Variants in HS3ST1 observed in about 807,000 individuals in gnomAD.
The protein encoded by HS3ST1 is heparan sulfate glucosamine 3-O-sulfotransferase 1.
A neutral mutation model predicts 20.7 loss-of-function variants in HS3ST1; 8 were observed. The observed-to-expected ratio is 0.39, with a 90% CI of 0.23 to 0.70. The LOEUF (loss-of-function observed/expected upper bound fraction) is 0.70. HS3ST1 is among the 30% of genes least tolerant of loss of function. The probability of loss-of-function intolerance (pLI) is 0.46; values close to 1 mark genes in which losing one functional copy is unlikely to be tolerated. For missense variants in HS3ST1, 436 were observed against 423.4 expected, an observed-to-expected ratio of 1.03 and a Z score of -0.26; for synonymous variants, 205 against 190.4, an observed-to-expected ratio of 1.08 and a Z score of -0.63.
At chr4:11,412,641 T>C (rs1300584208) in intron 1 of HS3ST1, among the ~76,000 whole-genome samples, 1 of 152,130 alleles carries the variant, frequency 6.6e-6, no homozygotes, top group Non-Finnish European at 1.5e-5. Context: ...ATAGGGTCTC[T>C]CAAACTGCAC....
At chr4:11,400,147 A>G (rs1270059287) in intron 1 of HS3ST1, 34 bp from the exon 2 acceptor site, 2 of 1,412,196 alleles carry the variant, frequency 1.4e-6, no homozygotes, top group African/African-American at 2.9e-5. Flanking sequence ...TTAACATATA[A>G]CAAATACAGG....
chr4:11,423,244 T>C (rs1350473381), intron 1 of HS3ST1, among the ~76,000 whole-genome samples: 1 of 152,052 alleles, frequency 6.6e-6, no homozygotes, highest in Non-Finnish European at 1.5e-5. Context: ...CAATGCCGGG[T>C]ACATGGCAGA....
chr4:11,425,916 A>C lies in HS3ST1; in HGVS notation c.-109+2783T>G, dbSNP rs776749423. On this transcript the variant is annotated intron_variant, in intron 1 of 1. Coordinates refer to ENST00000002596, the MANE Select transcript of HS3ST1 (RefSeq NM_005114.4). Reference sequence around the variant, plus strand: ...AAGAGCAGCCTCAATTGAAAGCACCAGGTCAAGTAGCCAGGTTGAGGGGAA... The same window carrying C: ...AAGAGCAGCCTCAATTGAAAGCACCCGGTCAAGTAGCCAGGTTGAGGGGAA... Among the ~76,000 whole-genome samples the C allele has an allele frequency of 3.9e-4, 59 of 149,768 alleles. 1 individual carries two copies. Among genetic ancestry groups the C allele is most frequent in the Non-Finnish European group, 6.9e-4 (47 of 67,858 alleles).
intron 1 of HS3ST1, among the ~76,000 whole-genome samples, chr4:11,427,603 C>A (rs1471856195): frequency 6.6e-6 from 1 of 152,182 alleles, no homozygotes. Context: ...TCGCGCAAGG[C>A]GAGGCAAGGG....
At chr4:11,415,991 G>C (rs1718772307) in intron 1 of HS3ST1, among the ~76,000 whole-genome samples, 1 of 152,176 alleles carries the variant, frequency 6.6e-6, no homozygotes, top group Non-Finnish European at 1.5e-5. Flanking sequence ...ACGCCTGGAA[G>C]TGTAAAAACA....
rs1479169293 is a variant in HS3ST1, at chr4:11,399,921, C to T, written c.85G>A (p.Glu29Lys). 3 of 1,601,244 alleles carry T rather than the reference C, an allele frequency of 1.9e-6. No homozygotes were observed. Among genetic ancestry groups the T allele is most frequent in the Middle Eastern group, 1.7e-4 (1 of 6,042 alleles). ...PSRPAELGQQELLRKAGTLQD... is the reference protein window; with the variant it reads ...PSRPAELGQQKLLRKAGTLQD... Reference sequence around the variant, plus strand: ...AGGGTCCCCGCTTTCCGCAGAAGCTCCTGCTGGCCTAGCTCGGCGGGGCGG... The same window carrying T: ...AGGGTCCCCGCTTTCCGCAGAAGCTTCTGCTGGCCTAGCTCGGCGGGGCGG... The change falls in exon 2 of 2, where the codon GAG becomes AAG. Residue 29 changes from glutamate (E) to lysine (K), a missense_variant. Glu to Lys is a moderately conservative substitution (Grantham distance 56). Coordinates refer to ENST00000002596, the MANE Select transcript of HS3ST1 (RefSeq NM_005114.4). The surrounding 1 kb of genome is among the most constrained non-coding windows in gnomAD (Gnocchi z 5.1).
chr4:11,399,547 C>T lies in HS3ST1; in HGVS notation c.459G>A (p.Val153=), dbSNP rs566542208. 24 of 1,613,892 alleles carry T rather than the reference C, an allele frequency of 1.5e-5. No individual in the cohort carries two copies. In the African/African-American group the frequency reaches 2.8e-4, roughly 19 times the overall value. Residue 153 remains valine (V), a synonymous_variant, in exon 2 of 2, where the codon GTG becomes GTA. Coordinates refer to ENST00000002596, the MANE Select transcript of HS3ST1 (RefSeq NM_005114.4). This position sits in a 1 kb window ranked among gnomAD's most constrained non-coding sequence, Gnocchi z 5.1. The part of the protein sequence containing the change: ...LLILRDPSER[V]LSDYTQVFYN... ...AGAACACTTGGGTGTAGTCAGATAG[C>T]ACGCGCTCCGACGGGTCTCGCAGGA...
At chr4:11,427,268 C>G (rs535495178) in intron 1 of HS3ST1, among the ~76,000 whole-genome samples, 91 of 152,360 alleles carry the variant, frequency 6.0e-4, no homozygotes, top group African/African-American at 2.0e-3. Flanking sequence ...CACCCAGCGC[C>G]TGAAAGCGGG....
chr4:11,427,587 C>T (rs930836631), intron 1 of HS3ST1, among the ~76,000 whole-genome samples: 1 of 152,170 alleles, frequency 6.6e-6, no homozygotes, highest in Non-Finnish European at 1.5e-5. Context: ...AAGGGAGGAG[C>T]GAGACTCGCG....
chr4:11,429,192 G>A (rs1719149691), upstream of HS3ST1: 1 of 152,430 alleles, frequency 6.6e-6, no homozygotes, highest in Non-Finnish European at 1.5e-5. Flanking sequence ...GGTGGCCCCT[G>A]GGGTTTCAGT....
intron 1 of HS3ST1, among the ~76,000 whole-genome samples, 193 bp from the exon 2 acceptor site, chr4:11,400,306 A>G (rs1718288979): frequency 1.3e-5 from 2 of 152,162 alleles, no homozygotes; most frequent in Non-Finnish European, 2.9e-5. Context: ...TTTAGGGGAC[A>G]TACTTTATGC....
At chr4:11,421,714 G>C (rs764183701) in intron 1 of HS3ST1, among the ~76,000 whole-genome samples, 7 of 152,234 alleles carry the variant, frequency 4.6e-5, no homozygotes, top group Non-Finnish European at 8.8e-5. Context: ...GATGAAAGGA[G>C]ATGTGAATGT....
intron 1 of HS3ST1, among the ~76,000 whole-genome samples, chr4:11,421,694 G>C (rs935923001): frequency 6.6e-6 from 1 of 152,210 alleles, no homozygotes; most frequent in Non-Finnish European, 1.5e-5. Flanking sequence ...TGAAATAGAA[G>C]TTCTTGAGGG....
At position 11,399,219 on chromosome 4, in the gene HS3ST1, C is replaced by G; in HGVS notation, c.787G>C (p.Asp263His). 1 of 1,614,154 alleles carries G rather than the reference C, an allele frequency of 6.2e-7. No homozygotes were observed. The highest frequency in any genetic ancestry group is 8.5e-7 in the Non-Finnish European group (1 of 1,180,034). ...GFYCLRDSGRDRCLHESKGRA... is the reference protein window; with the variant it reads ...GFYCLRDSGRHRCLHESKGRA... ...CCTTTGGACTCATGTAAGCAGCGGT[C>G]CCGGCCGCTGTCCCGCAGGCAGTAA... is the stretch of plus-strand genomic sequence containing the variant. Residue 263 changes from aspartate (D) to histidine (H), a missense_variant, in exon 2 of 2, where the codon GAC becomes CAC. Physicochemically the swap from Asp to His is moderately conservative, Grantham distance 81. Coordinates refer to ENST00000002596, the MANE Select transcript of HS3ST1 (RefSeq NM_005114.4). This position sits in a 1 kb window ranked among gnomAD's most constrained non-coding sequence, Gnocchi z 5.1.
chr4:11,423,634 C>T (rs892669951), intron 1 of HS3ST1, among the ~76,000 whole-genome samples: 10 of 152,076 alleles, frequency 6.6e-5, no homozygotes, highest in Middle Eastern at 3.2e-3. Context: ...ACTGTGTCAC[C>T]GGTGAGCAGA....
Position 11,426,446 on chromosome 4 carries a change from G to C in HS3ST1, c.-109+2253C>G, listed in dbSNP as rs183727522. ...AAAAGTACATGCTCCAACTTTTAGG[G>C]GGACCCAGGGGGGGGGCTTGAGGCT... On this transcript the variant is annotated intron_variant, in intron 1 of 1. Coordinates refer to ENST00000002596, the MANE Select transcript of HS3ST1 (RefSeq NM_005114.4). Among the ~76,000 whole-genome samples, 5 of 148,964 alleles carry C rather than the reference G, an allele frequency of 3.4e-5. No individual in the cohort carries two copies. The East Asian group carries it at 5.8e-4, about 17-fold the overall frequency.
At position 11,394,357 on chromosome 4, in the gene HS3ST1, A is replaced by G. The variant is rs1718082447; in HGVS notation, c.*4725T>C. 1 of 152,214 alleles carries G rather than the reference A, an allele frequency of 6.6e-6. No homozygotes were observed. 9.4% of individuals were successfully genotyped at this position (152,214 alleles called of 1,614,324 possible). ...AGTAAAGGTCTTGACATCAGGGATA[A>G]CTAAAGCACCAAGGTCATTTTCTAC... On this transcript the variant is annotated 3_prime_UTR_variant, in exon 2 of 2. Transcript: ENST00000002596.
chr4:11,409,572 G>A (rs1685250777), intron 1 of HS3ST1, among the ~76,000 whole-genome samples: 1 of 152,302 alleles, frequency 6.6e-6, no homozygotes, highest in Admixed American at 6.5e-5. Flanking sequence ...GCAAGGAATG[G>A]GGTTTCATGA....
chr4:11,432,706 AC>A (rs1336116616), upstream of HS3ST1, among the ~76,000 whole-genome samples: 4 of 151,998 alleles, frequency 2.6e-5, no homozygotes, highest in Admixed American at 6.6e-5. Context: ...TCCTCGAATA[AC>A]TCCACTAATT....
Sources: gnomAD v4.1 joint callset for allele counts (sites outside exome capture counted in the v4.1 genomes callset) on GRCh38, gnomAD v4.1.1 for gene constraint, Gnocchi (gnomAD v3.1) non-coding constraint, MANE v1.5 for transcripts, NCBI Gene and HGNC (gene_info 2026-07-23, HGNC 2026-07-21) for gene names.